PDE2A: variants seen among roughly 807,000 people sequenced by gnomAD.
PDE2A encodes cGMP-dependent 3',5'-cyclic phosphodiesterase.
PDE2A carries 53 observed loss-of-function variants against 133.6 expected under a neutral mutation model. That is an observed-to-expected ratio of 0.40 (90% CI 0.32 to 0.50). The LOEUF (loss-of-function observed/expected upper bound fraction) is 0.50, where lower values mean the gene tolerates loss of function less well. Among genes scored for constraint, PDE2A ranks in the 20% least tolerant of loss-of-function variants. The probability of loss-of-function intolerance (pLI) is 0.73; values close to 1 mark genes in which losing one functional copy is unlikely to be tolerated. For synonymous variants in PDE2A, 491 were observed against 490.2 expected, an observed-to-expected ratio of 1.00 and a Z score of -0.02; for missense variants, 796 against 1,232.4, an observed-to-expected ratio of 0.65 and a Z score of 5.30.
intron 1 of PDE2A, among the ~76,000 whole-genome samples, chr11:72,646,040 A>G (rs1316585572): frequency 6.6e-6 from 1 of 152,202 alleles, no homozygotes; most frequent in African/African-American, 2.4e-5. Flanking sequence ...TTTGTCCCCA[A>G]GAATGCAGTG....
chr11:72,585,299 G>A, intron 16 of PDE2A, 72 bp downstream of exon 16: 2 of 1,264,204 alleles, frequency 1.6e-6, no homozygotes. Flanking sequence ...AAGTGGGTGG[G>A]GCAGGAAAGG....
chr11:72,582,056 AC>A, intron 21 of PDE2A, 109 bp from the exon 22 acceptor site: 2 of 856,792 alleles, frequency 2.3e-6, no homozygotes, highest in Non-Finnish European at 3.9e-6. Flanking sequence ...TTAGAAACTT[AC>A]ATCTAAACTA....
chr11:72,605,140 G>A lies in PDE2A; in HGVS notation c.321C>T (p.Val107=), dbSNP rs770931980. 1.9e-6 allele frequency: 3 copies of A among 1,603,234 alleles called. No individual in the cohort carries two copies. The highest frequency in any genetic ancestry group is 2.6e-6 in the Non-Finnish European group (3 of 1,172,332). Residue 107 remains valine, a splice_region_variant and synonymous_variant, in exon 4 of 31, where the codon GTC becomes GTT. Coordinates refer to ENST00000334456, the MANE Select transcript of PDE2A (RefSeq NM_002599.5). ...PPHELPQEGK[V]REAIISQKRL... ...TGGGGGTGCAGAGAATGGCTCACCGGACTTTCCCCTCCTGGGGCAGCTCAT... is the reference window on the plus strand; with the variant it reads ...TGGGGGTGCAGAGAATGGCTCACCGAACTTTCCCCTCCTGGGGCAGCTCAT...
Position 72,590,465 on chromosome 11 carries a change from G to T in PDE2A, c.665C>A (p.Ala222Glu). ...GTAEDQKGGA[A>E]YTDRDRKILQ... is the part of the protein sequence containing the mutation. ...GATCTTGCGGTCGCGGTCGGTGTAC[G>T]CCGCCCCGCCCTTCTGGTCTTCCGC... Residue 222 changes from alanine (A) to glutamate (E), a missense_variant, in exon 8 of 31, where the codon GCG (alanine) becomes GAG (glutamate). Coordinates refer to ENST00000334456, the MANE Select transcript of PDE2A (RefSeq NM_002599.5). The surrounding 1 kb of genome is among the most constrained non-coding windows in gnomAD (Gnocchi z 4.8). The T allele has an allele frequency of 6.5e-7, 1 of 1,541,830 alleles. No homozygotes were observed. Among genetic ancestry groups the T allele is most frequent in the Non-Finnish European group, 8.7e-7 (1 of 1,146,680 alleles).
In PDE2A at chr11:72,587,308, G is replaced by A. The variant is rs192439026; in HGVS notation, c.1071-1127C>T. Among the ~76,000 whole-genome samples, 354 of 152,304 alleles carry A rather than the reference G, an allele frequency of 2.3e-3. 2 individuals carry two copies. The highest frequency in any genetic ancestry group is 0.014 in the Middle Eastern group (4 of 294). On this transcript the variant is annotated intron_variant, in intron 13 of 30. Transcript: ENST00000334456. ...CACCAGCCCCATCCCACTCACAGCTGAAGGGCTTCTGGAGCCCCTGTTCTC... is the reference window on the plus strand; with the variant it reads ...CACCAGCCCCATCCCACTCACAGCTAAAGGGCTTCTGGAGCCCCTGTTCTC...
At chr11:72,642,924 G>C (rs890347119) in intron 1 of PDE2A, 2 of 154,544 alleles carry the variant, frequency 1.3e-5, no homozygotes, top group African/African-American at 2.4e-5. Flanking sequence ...GAATGTTGGA[G>C]GTCGCTGTGA....
intron 2 of PDE2A, among the ~76,000 whole-genome samples, chr11:72,633,303 C>T (rs1428834747): frequency 1.3e-5 from 2 of 152,212 alleles, no homozygotes; most frequent in Non-Finnish European, 2.9e-5. Flanking sequence ...GTCCCACGTC[C>T]TGTGGGGACC....
In PDE2A at chr11:72,631,010, C is replaced by T. The variant is rs1484060990; in HGVS notation, c.144+11244G>A. 1.1e-5 allele frequency: 14 copies of T among 1,325,840 alleles called. No individual in the cohort carries two copies. In the African/African-American group the frequency reaches 1.5e-4, roughly 14 times the overall value. 82.1% of individuals were successfully genotyped at this position (1,325,840 alleles called of 1,614,324 possible). ...TCCTCCCAAGGGGGAGGGCACCACT[C>T]AGACTGATCTTCAGTCTGCGCCCCA... On this transcript the variant is annotated intron_variant, in intron 2 of 30. Coordinates refer to ENST00000334456, the MANE Select transcript of PDE2A (RefSeq NM_002599.5).
chr11:72,598,692 G>C (rs1377332581), intron 4 of PDE2A: 38 of 1,282,610 alleles, frequency 3.0e-5, no homozygotes, highest in Non-Finnish European at 3.9e-5. Context: ...GGAAAAGGAG[G>C]GGGTGGCCTG....
At chr11:72,657,634 A>G (rs997949958) in intron 1 of PDE2A, among the ~76,000 whole-genome samples, 4 of 152,170 alleles carry the variant, frequency 2.6e-5, no homozygotes, top group African/African-American at 9.7e-5. Context: ...GTCATCACTA[A>G]TTCATCACCT....
chr11:72,585,257 G>T, intron 16 of PDE2A, 114 bp downstream of exon 16: 2 of 864,700 alleles, frequency 2.3e-6, no homozygotes, highest in East Asian at 2.6e-5. Context: ...CCCTCAAAAG[G>T]TGATGAAGTC....
intron 21 of PDE2A, 127 bp downstream of exon 21, chr11:72,582,316 CT>C: frequency 1.1e-6 from 1 of 929,148 alleles, no homozygotes; most frequent in Non-Finnish European, 1.6e-6. Context: ...GCCCCTCCAT[CT>C]CTGAGGGACC....
intron 2 of PDE2A, 42 bp from the exon 3 acceptor site, chr11:72,608,793 G>A (rs2135361547): frequency 1.8e-6 from 2 of 1,128,424 alleles, no homozygotes; most frequent in Non-Finnish European, 2.6e-6. Flanking sequence ...TGCCAGGCAG[G>A]CCAGGGCAGC....
intron 2 of PDE2A, among the ~76,000 whole-genome samples, chr11:72,633,633 G>A (rs1858530791): frequency 1.3e-5 from 2 of 152,146 alleles, no homozygotes; most frequent in Admixed American, 1.3e-4. Flanking sequence ...TTATGTGTCT[G>A]TGTCTGGGTG....
At chr11:72,637,688 G>C (rs942486176) in intron 2 of PDE2A, among the ~76,000 whole-genome samples, 3 of 152,238 alleles carry the variant, frequency 2.0e-5, no homozygotes. Flanking sequence ...CAATGAGGGG[G>C]ACTCAGTGCC....
chr11:72,581,264 G>C, intron 23 of PDE2A, 93 bp downstream of exon 23: 1 of 1,274,068 alleles, frequency 7.8e-7, no homozygotes, highest in Non-Finnish European at 1.1e-6. Context: ...ATGAGGCAGT[G>C]CGTGTAAAGT....
At chr11:72,604,225 C>T (rs1303858036) in intron 4 of PDE2A, among the ~76,000 whole-genome samples, 1 of 152,224 alleles carries the variant, frequency 6.6e-6, no homozygotes, top group African/African-American at 2.4e-5. Flanking sequence ...GCATGCCTGC[C>T]CCCAAGGTTT....
At chr11:72,631,593 T>C (rs1055840179) in intron 2 of PDE2A, among the ~76,000 whole-genome samples, 1 of 152,164 alleles carries the variant, frequency 6.6e-6, no homozygotes, top group African/African-American at 2.4e-5. Context: ...GCTTCCAACC[T>C]GGGTGCTGTG....
intron 1 of PDE2A, among the ~76,000 whole-genome samples, chr11:72,665,629 T>A (rs1055988363): frequency 1.3e-5 from 2 of 152,188 alleles, no homozygotes; most frequent in East Asian, 3.9e-4. Context: ...GGACTCAAGA[T>A]AATCTGCAAC....
Sources: allele counts gnomAD v4.1 joint callset (sites outside exome capture counted in the v4.1 genomes callset), GRCh38; gene constraint gnomAD v4.1.1; non-coding constraint Gnocchi (gnomAD v3.1); transcripts MANE v1.5; gene names NCBI Gene and HGNC (gene_info 2026-07-23, HGNC 2026-07-21).